CIC: variants seen among roughly 807,000 people sequenced by gnomAD.
CIC encodes capicua transcriptional repressor.
In CIC, 18 loss-of-function variants were observed where a neutral mutation model predicts 115.7. The ratio of observed to expected loss-of-function variants is 0.16; its 90% CI spans 0.11 to 0.23. The LOEUF is 0.23. Ranked by LOEUF, CIC falls within the 10% of genes least tolerant of loss-of-function variation. The probability of loss-of-function intolerance (pLI) is 1.00; values close to 1 mark genes in which losing one functional copy is unlikely to be tolerated. For synonymous variants in CIC, 1,076 were observed against 923.0 expected (o/e 1.17, Z -3.01); for missense variants, 2,000 against 2,159.3 (o/e 0.93, Z 1.46).
Position 42,287,486 on chromosome 19 carries a change from G to A in CIC, c.3309+37G>A, listed in dbSNP as rs2037743809. The stretch of plus-strand genomic sequence containing the variant: ...CTGCCTGTCCTGTGCTCACCCCGTG[G>A]CCACCCACACCTGTCTGCCAGGTCC... On this transcript the variant is annotated intron_variant, in intron 5 of 20. Coordinates refer to ENST00000681038, the MANE Select transcript of CIC (RefSeq NM_001386298.1). This position sits in a 1 kb window ranked among gnomAD's most constrained non-coding sequence, Gnocchi z 8.7. The A allele has an allele frequency of 6.2e-7, 1 of 1,612,028 alleles. No individual in the cohort carries two copies. Among genetic ancestry groups the A allele is most frequent in the African/African-American group, 1.3e-5 (1 of 75,040 alleles).
chr19:42,295,672 ACTTT>A lies in CIC; in HGVS notation c.*484_*487del. 2 of 232,918 alleles carry A rather than the reference ACTTT, an allele frequency of 8.6e-6. No homozygotes were observed. The allele number at this position is 232,918 out of a possible 1,614,324, so 14.4% of individuals were successfully genotyped here. A position where few individuals can be genotyped will look rare whatever the true frequency, so the allele number is the denominator to read the frequency against. On this transcript the variant is annotated 3_prime_UTR_variant, in exon 21 of 21. Coordinates refer to ENST00000681038, the MANE Select transcript of CIC (RefSeq NM_001386298.1). ...CCTCTGCCCTCCCAACTTGGGTTGT[ACTTT>A]CTAAGAAGGTGATTCCCCCTGCCCT...
chr19:42,276,764 C>T (rs902939856), intron 2 of CIC, among the ~76,000 whole-genome samples: 1 of 152,140 alleles, frequency 6.6e-6, no homozygotes, highest in South Asian at 2.1e-4. Flanking sequence ...CCTTCACCCC[C>T]CCATATGCCC....
At chr19:42,284,351 C>T (rs2037444659) in intron 2 of CIC, 1 of 146,002 alleles carries the variant, frequency 6.8e-6, no homozygotes, top group Admixed American at 6.8e-5. Flanking sequence ...CCGCCTGCCC[C>T]GCCCGCCGGA....
In CIC at chr19:42,291,061, G is replaced by A; in HGVS notation, c.5020G>A (p.Val1674Met). 6.2e-7 allele frequency: 1 copy of A among 1,613,918 alleles called. No individual in the cohort carries two copies. Among genetic ancestry groups the A allele is most frequent in the Non-Finnish European group, 8.5e-7 (1 of 1,179,958 alleles). Residue 1674 changes from valine to methionine, a missense_variant, in exon 11 of 21, where the codon GTG becomes ATG. Transcript: ENST00000681038. ...KAPATVTNLL[V>M]GTPGYGAPAP... ...GCCTGCCACTGTCACTAACCTACTG[G>A]TGGGCACCCCGGGGTATGGGGCCCC... is the stretch of plus-strand genomic sequence containing the variant.
rs1413322470 is a variant in CIC, at chr19:42,272,840, C to T, written c.1057C>T (p.Pro353Ser). The change falls in exon 2 of 21, where the codon CCT becomes TCT. Residue 353 changes from proline (P) to serine (S), a missense_variant. Pro to Ser is a moderately conservative substitution (Grantham distance 74). Transcript: ENST00000681038. ...ACCTGAGACCATGCTGAGGAAGCCC[C>T]CTACAGGCCCTGAGGAAGAGCAGGC... ...WEPETMLRKP[P>S]TGPEEEQAEP... 2.5e-6 allele frequency: 1 copy of T among 399,198 alleles called. No homozygotes were observed. The highest frequency in any genetic ancestry group is 4.4e-5 in the Admixed American group (1 of 22,738). The allele number at this position is 399,198 out of a possible 1,614,324, so 24.7% of individuals were successfully genotyped here.
rs1466968607 is a variant in CIC, at chr19:42,293,143, A to G, written c.6384A>G (p.Pro2128=). The change falls in exon 16 of 21, where the codon CCA becomes CCG. Residue 2128 remains proline, a synonymous_variant. Transcript: ENST00000681038. The part of the protein sequence containing the change: ...EPGPVREPTA[P]ESELEGQPTP... ...GCCCAGTCCGAGAGCCAACTGCCCC[A>G]GAGTCTGAGCTTGAGGGGCAGCCCA... The G allele has an allele frequency of 1.9e-6, 3 of 1,607,640 alleles. No individual in the cohort carries two copies. Among genetic ancestry groups the G allele is most frequent in the Non-Finnish European group, 2.5e-6 (3 of 1,177,806 alleles).
chr19:42,287,350 G>T lies in CIC; in HGVS notation c.3210G>T (p.Gln1070His). Residue 1070 changes from glutamine to histidine, a missense_variant, in exon 5 of 21, where the codon CAG (glutamine) becomes CAT (histidine). This residue lies in a region of CIC where 222 missense variants were observed against 247.7 expected (regional missense o/e 0.90). Coordinates refer to ENST00000681038, the MANE Select transcript of CIC (RefSeq NM_001386298.1). The surrounding 1 kb of genome is among the most constrained non-coding windows in gnomAD (Gnocchi z 8.7). ...TCTCCATCATGTCTCCTGAGATCCA[G>T]TTGCCTCTACCGCCCGGAAAACGTC... is the stretch of plus-strand genomic sequence containing the variant. ...AFLSIMSPEIQLPLPPGKRRT... is the reference protein window; with the variant it reads ...AFLSIMSPEIHLPLPPGKRRT... The T allele has an allele frequency of 6.2e-7, 1 of 1,614,154 alleles. No homozygotes were observed. Among genetic ancestry groups the T allele is most frequent in the South Asian group, 1.1e-5 (1 of 91,092 alleles).
rs915034008 is a variant in CIC at position 42,274,305 on chromosome 19, G to A, written c.2522G>A (p.Arg841Gln). The A allele has an allele frequency of 2.3e-5, 9 of 398,680 alleles. No homozygotes were observed. Among genetic ancestry groups the A allele is most frequent in the South Asian group, 1.3e-4 (1 of 7,884 alleles). The allele number at this position is 398,680 out of a possible 1,614,324, so 24.7% of individuals were successfully genotyped here. ...AGEVRAGGPGRGCRETPVPPG... is the reference protein window; with the variant it reads ...AGEVRAGGPGQGCRETPVPPG... ...GAGGTGCGGGCTGGGGGACCTGGGCGGGGCTGCCGTGAAACCCCAGTGCCC... is the reference window on the plus strand; with the variant it reads ...GAGGTGCGGGCTGGGGGACCTGGGCAGGGCTGCCGTGAAACCCCAGTGCCC... The change falls in exon 2 of 21, where the codon CGG (arginine) becomes CAG (glutamine). Residue 841 changes from arginine to glutamine, a missense_variant. This residue lies in a region of CIC where 222 missense variants were observed against 247.7 expected (regional missense o/e 0.90). Transcript: ENST00000681038.
chr19:42,284,650 G>C, intron 2 of CIC: 1 of 1,399,150 alleles, frequency 7.1e-7, no homozygotes, highest in Non-Finnish European at 9.7e-7. Context: ...CGGGCGGAGC[G>C]GCGTCGGCCG....
chr19:42,283,023 G>A (rs575817158), intron 2 of CIC, among the ~76,000 whole-genome samples: 1 of 152,264 alleles, frequency 6.6e-6, no homozygotes, highest in Admixed American at 6.5e-5. Flanking sequence ...GAATGATGGC[G>A]GTGGCCACTG....
chr19:42,287,456 T>A lies in CIC; in HGVS notation c.3309+7T>A, dbSNP rs370245391. 9 of 1,612,856 alleles carry A rather than the reference T, an allele frequency of 5.6e-6. No homozygotes were observed. The African/African-American group carries it at 1.2e-4, about 22-fold the overall frequency. On this transcript the variant is annotated splice_region_variant and intron_variant, in intron 5 of 20. Coordinates refer to ENST00000681038, the MANE Select transcript of CIC (RefSeq NM_001386298.1). The surrounding 1 kb of genome is among the most constrained non-coding windows in gnomAD (Gnocchi z 8.7). ...TGGACGCAGCCCCAACAAGGTACTT[T>A]ATCCCTGCCTGTCCTGTGCTCACCC...
At position 42,295,143 on chromosome 19, in the gene CIC, G is replaced by GGGGGGCCCCC; in HGVS notation, c.7506_7507insGGGGGCCCCC (p.Pro2503GlyfsTer23). The GGGGGGCCCCC allele has an allele frequency of 1.4e-5, 20 of 1,382,662 alleles. No individual in the cohort carries two copies. The highest frequency in any genetic ancestry group is 1.7e-5 in the Non-Finnish European group (18 of 1,037,758). 85.6% of individuals were successfully genotyped at this position (1,382,662 alleles called of 1,614,324 possible). A position where few individuals can be genotyped will look rare whatever the true frequency, so the allele number is the denominator to read the frequency against. On this transcript the variant is annotated frameshift_variant, in exon 21 of 21. Transcript: ENST00000681038. LOFTEE classifies it high-confidence loss of function. ...AGCCTGGCTGGGAGGGGGCTCCCCA[G>GGGGGGCCCCC]CCCTCCCCCCCACCCCCAGGTCCCT... is the stretch of plus-strand genomic sequence containing the variant.
rs199728488 is a variant in CIC at position 42,291,289 on chromosome 19, G to A, written c.5248G>A (p.Ala1750Thr). ...TLPQQLQVAP[A>T]PAPAPGTKAA... ...GCCCCAGCAGCTTCAGGTGGCACCT[G>A]CCCCAGCACCAGCCCCTGGGACCAA... The change falls in exon 11 of 21, where the codon GCC becomes ACC. Residue 1750 changes from alanine to threonine, a missense_variant. Physicochemically the swap from Ala to Thr is moderately conservative, Grantham distance 58 (BLOSUM62 0). Coordinates refer to ENST00000681038, the MANE Select transcript of CIC (RefSeq NM_001386298.1). 10 of 1,612,790 alleles carry A rather than the reference G, an allele frequency of 6.2e-6. No homozygotes were observed. The highest frequency in any genetic ancestry group is 5.0e-5 in the Admixed American group (3 of 59,986).
chr19:42,272,917 G>C lies in CIC; in HGVS notation c.1134G>C (p.Gln378His), dbSNP rs1272014105. 2.5e-6 allele frequency: 1 copy of C among 399,274 alleles called. No homozygotes were observed. The highest frequency in any genetic ancestry group is 4.4e-6 in the Non-Finnish European group (1 of 226,536). The allele number at this position is 399,274 out of a possible 1,614,324, so 24.7% of individuals were successfully genotyped here. Residue 378 changes from glutamine to histidine, a missense_variant, in exon 2 of 21, where the codon CAG becomes CAC. By Grantham distance (24) the Gln-to-His change is conservative. This residue lies in a region of CIC where 222 missense variants were observed against 247.7 expected (regional missense o/e 0.90). Coordinates refer to ENST00000681038, the MANE Select transcript of CIC (RefSeq NM_001386298.1). ...GCCCTGCTGCCCTGGACCCCAAACA[G>C]CCCGAGGATGCTGAGGTCTCTAAGA... ...PPCPAALDPK[Q>H]PEDAEVSKIS...
Position 42,292,280 on chromosome 19 carries a change from C to G in CIC, c.5736-20C>G. ...GGGGCCGGCTTACCTCACTCCTCCC[C>G]ATTTCCTCTCCTGCGGCAGAATCAC... On this transcript the variant is annotated intron_variant, in intron 13 of 20. Transcript: ENST00000681038. The G allele has an allele frequency of 6.2e-7, 1 of 1,613,496 alleles. No individual in the cohort carries two copies. Among genetic ancestry groups the G allele is most frequent in the Non-Finnish European group, 8.5e-7 (1 of 1,180,020 alleles).
rs564672494 is a variant in CIC, at chr19:42,295,083, G to T, written c.7446G>T (p.Pro2482=). 6 of 1,527,204 alleles carry T rather than the reference G, an allele frequency of 3.9e-6. No homozygotes were observed. Among genetic ancestry groups the T allele is most frequent in the Non-Finnish European group, 5.3e-6 (6 of 1,142,662 alleles). The allele number at this position is 1,527,204 out of a possible 1,614,324, so 94.6% of individuals were successfully genotyped here. A position where few individuals can be genotyped will look rare whatever the true frequency, so the allele number is the denominator to read the frequency against. The change falls in exon 21 of 21, where the codon CCG becomes CCT. Residue 2482 remains proline (P), a synonymous_variant. Transcript: ENST00000681038. ...SSDSGTAQAA[P]PLPPPPESGP... is the part of the protein sequence containing the mutation. ...ACTCTGGCACGGCCCAGGCTGCCCC[G>T]CCACTGCCTCCACCCCCAGAGTCGG...
In CIC at chr19:42,291,709, A is replaced by G. The variant is rs1237740685; in HGVS notation, c.5577A>G (p.Ser1859=). ...TGCCACTGGTGAGCCCGCCCTTCTC[A>G]GTACCTGTGCAGAATGGTGCCCAGC... ...QPLPLVSPPF[S]VPVQNGAQPP... The change falls in exon 12 of 21, where the codon TCA becomes TCG. Residue 1859 remains serine (S), a synonymous_variant. Transcript: ENST00000681038. 3 of 1,612,806 alleles carry G rather than the reference A, an allele frequency of 1.9e-6. No homozygotes were observed. The East Asian group carries it at 6.7e-5, about 36-fold the overall frequency.
Position 42,287,301 on chromosome 19 carries a change from C to G in CIC, c.3180-19C>G, listed in dbSNP as rs1041259071. On this transcript the variant is annotated intron_variant, in intron 4 of 20. Coordinates refer to ENST00000681038, the MANE Select transcript of CIC (RefSeq NM_001386298.1). This position sits in a 1 kb window ranked among gnomAD's most constrained non-coding sequence, Gnocchi z 8.7. ...TGGCCAGAGACATGGCCCTCACTGT[C>G]CCTGCTGCCCCGCCGCAGCTTCCTC... The G allele has an allele frequency of 6.2e-7, 1 of 1,614,078 alleles. No homozygotes were observed. The highest frequency in any genetic ancestry group is 2.2e-5 in the East Asian group (1 of 44,882).
Position 42,274,065 on chromosome 19 carries a change from C to T in CIC, c.2282C>T (p.Pro761Leu), listed in dbSNP as rs1250717623. ...TCCCACACACCTACACCCTCCACGCCGGCTGGCTTCCGGGCCGTGTCCCCT... is the reference window on the plus strand; with the variant it reads ...TCCCACACACCTACACCCTCCACGCTGGCTGGCTTCCGGGCCGTGTCCCCT... ...SVSHTPTPST[P>L]AGFRAVSPAV... Residue 761 changes from proline (P) to leucine (L), a missense_variant, in exon 2 of 21, where the codon CCG (proline) becomes CTG (leucine). Coordinates refer to ENST00000681038, the MANE Select transcript of CIC (RefSeq NM_001386298.1). The T allele has an allele frequency of 7.5e-6, 3 of 399,270 alleles. No homozygotes were observed. The highest frequency in any genetic ancestry group is 1.3e-4 in the South Asian group (1 of 7,944). 24.7% of individuals were successfully genotyped at this position (399,270 alleles called of 1,614,324 possible). A position where few individuals can be genotyped will look rare whatever the true frequency, so the allele number is the denominator to read the frequency against.
Sources: allele counts gnomAD v4.1 joint callset (sites outside exome capture counted in the v4.1 genomes callset), GRCh38; gene constraint gnomAD v4.1.1; regional missense constraint gnomAD v4.1.1; non-coding constraint Gnocchi (gnomAD v3.1); transcripts MANE v1.5; gene names NCBI Gene and HGNC (gene_info 2026-07-23, HGNC 2026-07-21).